The following RAB11FIP3 variants were observed in gnomAD, a reference collection of about 807,000 sequenced individuals.
RAB11FIP3 encodes RAB11 family interacting protein 3.
Under a neutral mutation model 77.8 loss-of-function variants are expected in RAB11FIP3, and 17 were observed. The observed-to-expected ratio is 0.22, with a 90% CI of 0.15 to 0.33. The LOEUF (loss-of-function observed/expected upper bound fraction) is 0.33, where lower values mean the gene tolerates loss of function less well. RAB11FIP3 is among the 10% of genes least tolerant of loss of function. The pLI, the probability that RAB11FIP3 is intolerant of heterozygous loss-of-function variation, is 1.00. For missense variants in RAB11FIP3, 1,005 were observed against 1,011.2 expected, an observed-to-expected ratio of 0.99 and a Z score of 0.08; for synonymous variants, 437 against 448.2, an observed-to-expected ratio of 0.98 and a Z score of 0.31.
In RAB11FIP3 at chr16:448,726, A is replaced by G. The variant is rs1182204636; in HGVS notation, c.715-12678A>G. 3.2e-5 allele frequency among the ~76,000 whole-genome samples: 4 copies of G among 123,214 alleles called. No homozygotes were observed. In the East Asian group the frequency reaches 7.1e-4, roughly 22 times the overall value. 80.8% of individuals were successfully genotyped at this position (123,214 alleles called of 152,430 possible). A position where few individuals can be genotyped will look rare whatever the true frequency, so the allele number is the denominator to read the frequency against. The stretch of plus-strand genomic sequence containing the variant: ...ACTCCAGCCTGGGCAGCAGAACGAG[A>G]CTCCGTCTCAAGAAAAAAAAAAAAA... On this transcript the variant is annotated intron_variant, in intron 1 of 13. Coordinates refer to ENST00000262305, the MANE Select transcript of RAB11FIP3 (RefSeq NM_014700.4).
At chr16:429,771 T>A (rs1218497641) in intron 1 of RAB11FIP3, among the ~76,000 whole-genome samples, 2 of 152,214 alleles carry the variant, frequency 1.3e-5, no homozygotes, top group African/African-American at 2.4e-5. Context: ...GTGCTGGGAT[T>A]ACAGGCATGA....
At chr16:491,126 C>T in intron 5 of RAB11FIP3, 2 of 1,291,580 alleles carry the variant, frequency 1.5e-6, no homozygotes, top group Non-Finnish European at 2.0e-6. Context: ...ATGCTTCTGT[C>T]TCTCTAGCAC....
chr16:495,361 T>A (rs182529824), intron 5 of RAB11FIP3, among the ~76,000 whole-genome samples: 167 of 152,330 alleles, frequency 1.1e-3, no homozygotes, highest in Non-Finnish European at 1.9e-3. Context: ...ACCACCGTGC[T>A]GTCAGGGCTT....
chr16:481,158 C>T (rs1280047917), intron 3 of RAB11FIP3, among the ~76,000 whole-genome samples: 3 of 151,910 alleles, frequency 2.0e-5, no homozygotes, highest in Non-Finnish European at 2.9e-5. Flanking sequence ...GTCTTTATCA[C>T]TCAGGTTGGA....
At chr16:444,581 C>G (rs1406055061) in intron 1 of RAB11FIP3, among the ~76,000 whole-genome samples, 3 of 152,234 alleles carry the variant, frequency 2.0e-5, no homozygotes, top group Non-Finnish European at 4.4e-5. Flanking sequence ...GGTGCCATGG[C>G]TCACGCCTAT....
At chr16:519,729 C>G in intron 10 of RAB11FIP3, 25 bp from the exon 11 acceptor site, 1 of 1,608,916 alleles carries the variant, frequency 6.2e-7, no homozygotes, top group Non-Finnish European at 8.5e-7. Context: ...TGACCCGCAT[C>G]CAGGGCAGGT....
rs774464347 is a variant in RAB11FIP3 at position 503,037 on chromosome 16, G to C, written c.1335G>C (p.Glu445Asp). 6.2e-7 allele frequency: 1 copy of C among 1,613,034 alleles called. No individual in the cohort carries two copies. The highest frequency in any genetic ancestry group is 1.3e-5 in the African/African-American group (1 of 74,926). Reference sequence around the variant, plus strand: ...ACCAGTCAGGGGCCCTGACCATGGAGGCCCTGGAGGACCCTTCCCCCGAGC... The same window carrying C: ...ACCAGTCAGGGGCCCTGACCATGGACGCCCTGGAGGACCCTTCCCCCGAGC... ...YLHQSGALTMEALEDPSPELM... is the reference protein window; with the variant it reads ...YLHQSGALTMDALEDPSPELM... Residue 445 changes from glutamate (E) to aspartate (D), a missense_variant, in exon 7 of 14, where the codon GAG becomes GAC. Physicochemically the swap from Glu to Asp is conservative, Grantham distance 45. Around this residue, in one of 4 missense-constraint regions of RAB11FIP3, gnomAD observed 433 missense variants for 436.1 expected, o/e 0.99. Transcript: ENST00000262305.
Position 471,426 on chromosome 16 carries a change from G to A in RAB11FIP3, c.903+37G>A. ...TCACCCAGGAGCTTGGGGGAAGTCT[G>A]GCATCCACCTCTTCCTTTATGCCCT... is the stretch of plus-strand genomic sequence containing the variant. On this transcript the variant is annotated intron_variant, in intron 3 of 13. Coordinates refer to ENST00000262305, the MANE Select transcript of RAB11FIP3 (RefSeq NM_014700.4). This position sits in a 1 kb window ranked among gnomAD's most constrained non-coding sequence, Gnocchi z 4.4. 1.3e-6 allele frequency: 2 copies of A among 1,495,706 alleles called. No homozygotes were observed. The highest frequency in any genetic ancestry group is 1.2e-5 in the South Asian group (1 of 85,666). 92.7% of individuals were successfully genotyped at this position (1,495,706 alleles called of 1,614,324 possible).
chr16:463,430 G>GTTTTTTTTTTTTTTTTTTTTTTT, intron 2 of RAB11FIP3, among the ~76,000 whole-genome samples: 1 of 82,260 alleles, frequency 1.2e-5, no homozygotes, highest in Non-Finnish European at 2.3e-5. Flanking sequence ...TTGTTCCCCG[G>GTTTTTTTTTTTTTTTTTTTTTTT]TTTTTTTTTT....
intron 1 of RAB11FIP3, among the ~76,000 whole-genome samples, chr16:460,457 C>T (rs544748328): frequency 2.0e-5 from 3 of 151,928 alleles, no homozygotes; most frequent in Non-Finnish European, 2.9e-5. Flanking sequence ...TAATACTCTC[C>T]CCCCTCCCAC....
chr16:461,376 G>A lies in RAB11FIP3; in HGVS notation c.715-28G>A, dbSNP rs1484204555. ...GGGACCCCTGCTGTAAAGGCTTAGG[G>A]TAACCTAGTCTCATTTGGCAATTAC... On this transcript the variant is annotated intron_variant, in intron 1 of 13. Coordinates refer to ENST00000262305, the MANE Select transcript of RAB11FIP3 (RefSeq NM_014700.4). The surrounding 1 kb of genome is among the most constrained non-coding windows in gnomAD (Gnocchi z 4.5). 6.3e-7 allele frequency: 1 copy of A among 1,598,342 alleles called. No homozygotes were observed. The highest frequency in any genetic ancestry group is 1.7e-5 in the Admixed American group (1 of 59,566).
intron 1 of RAB11FIP3, among the ~76,000 whole-genome samples, chr16:460,035 G>A (rs1163845715): frequency 3.3e-5 from 5 of 151,942 alleles, no homozygotes; most frequent in Middle Eastern, 3.4e-3. Flanking sequence ...GCGCCACCAC[G>A]CCTGGCTGAT....
chr16:512,880 C>T (rs898849614), intron 9 of RAB11FIP3, among the ~76,000 whole-genome samples: 18 of 152,088 alleles, frequency 1.2e-4, no homozygotes, highest in Admixed American at 1.2e-3. Context: ...GGGGTTCTTG[C>T]TGTGTGGCCC....
At position 518,464 on chromosome 16, in the gene RAB11FIP3, C is replaced by T. The variant is rs571605556; in HGVS notation, c.1641-479C>T. Reference sequence around the variant, plus strand: ...CGTGGATGGCCGGCGGGGTGGCTCGCGCCTGTAATCACAGCACTTTGGGAG... The same window carrying T: ...CGTGGATGGCCGGCGGGGTGGCTCGTGCCTGTAATCACAGCACTTTGGGAG... On this transcript the variant is annotated intron_variant, in intron 9 of 13. Coordinates refer to ENST00000262305, the MANE Select transcript of RAB11FIP3 (RefSeq NM_014700.4). 2.4e-3 allele frequency among the ~76,000 whole-genome samples: 362 copies of T among 152,260 alleles called. 5 individuals are homozygous for T. Among genetic ancestry groups the T allele is most frequent in the African/African-American group, 8.4e-3 (349 of 41,544 alleles).
intron 5 of RAB11FIP3, among the ~76,000 whole-genome samples, chr16:494,631 A>C (rs1020827517): frequency 1.3e-5 from 2 of 152,110 alleles, no homozygotes; most frequent in African/African-American, 4.8e-5. Flanking sequence ...TAAAAAAAAA[A>C]ACCTGTATTA....
Position 505,277 on chromosome 16 carries a change from G to A in RAB11FIP3, c.1396-247G>A, listed in dbSNP as rs146371177. ...CAGTCCAAAGGCACCCCTGGGCCCC[G>A]AGCCCTCAGAGCTGCGGCACTGTGT... is the stretch of plus-strand genomic sequence containing the variant. On this transcript the variant is annotated intron_variant, in intron 7 of 13. Coordinates refer to ENST00000262305, the MANE Select transcript of RAB11FIP3 (RefSeq NM_014700.4). The surrounding 1 kb of genome is among the most constrained non-coding windows in gnomAD (Gnocchi z 4.0). Among the ~76,000 whole-genome samples, 2 of 152,172 alleles carry A rather than the reference G, an allele frequency of 1.3e-5. No homozygotes were observed. Among genetic ancestry groups the A allele is most frequent in the African/African-American group, 2.4e-5 (1 of 41,524 alleles).
chr16:443,785 A>C lies in RAB11FIP3; in HGVS notation c.714+17065A>C, dbSNP rs561653272. Among the ~76,000 whole-genome samples, 118 of 152,288 alleles carry C rather than the reference A, an allele frequency of 7.7e-4. 2 individuals carry two copies. Among genetic ancestry groups the C allele is most frequent in the South Asian group, 6.4e-3 (31 of 4,830 alleles). On this transcript the variant is annotated intron_variant, in intron 1 of 13. Transcript: ENST00000262305. ...TTCACCATGTTAGCCAGGATGATCTAGATCTCCTGACCTTGTGATCCGCCC... is the reference window on the plus strand; with the variant it reads ...TTCACCATGTTAGCCAGGATGATCTCGATCTCCTGACCTTGTGATCCGCCC...
At chr16:451,782 C>T (rs1014305183) in intron 1 of RAB11FIP3, among the ~76,000 whole-genome samples, 14 of 151,096 alleles carry the variant, frequency 9.3e-5, no homozygotes, top group Non-Finnish European at 2.1e-4. Context: ...TTACAGTGAC[C>T]CGAGATCACA....
At chr16:518,735 TAAAA>T (rs946584179) in intron 9 of RAB11FIP3, among the ~76,000 whole-genome samples, 2 of 150,816 alleles carry the variant, frequency 1.3e-5, no homozygotes, top group African/African-American at 4.9e-5. Context: ...AAGAAAAAAA[TAAAA>T]AAATAATACT....
Sources: gnomAD v4.1 joint callset for allele counts (sites outside exome capture counted in the v4.1 genomes callset) on GRCh38, gnomAD v4.1.1 for gene constraint, gnomAD v4.1.1 regional missense constraint, Gnocchi (gnomAD v3.1) non-coding constraint, MANE v1.5 for transcripts, NCBI Gene and HGNC (gene_info 2026-07-23, HGNC 2026-07-21) for gene names.